Variants in SDK1 observed in about 807,000 individuals in gnomAD.
The protein encoded by SDK1 is sidekick cell adhesion molecule 1.
Under a neutral mutation model 245.5 loss-of-function variants are expected in SDK1, and 157 were observed. The observed-to-expected ratio is 0.64, with a 90% CI of 0.56 to 0.73. The LOEUF (loss-of-function observed/expected upper bound fraction) is 0.73, where lower values mean the gene tolerates loss of function less well. Among genes scored for constraint, SDK1 ranks in the 30% least tolerant of loss-of-function variants. The pLI is 0.00. For synonymous variants in SDK1, 1,647 were observed against 1,278.5 expected, an observed-to-expected ratio of 1.29 and a Z score of -6.15; for missense variants, 3,583 against 3,002.3, an observed-to-expected ratio of 1.19 and a Z score of -4.52.
chr7:3,633,327 C>G (rs1387516154), intron 2 of SDK1, among the ~76,000 whole-genome samples: 1 of 152,012 alleles, frequency 6.6e-6, no homozygotes, highest in African/African-American at 2.4e-5. Flanking sequence ...AATTAAGTTC[C>G]CTGACCACCT....
chr7:3,969,486 T>C (rs1311239047), intron 11 of SDK1, 62 bp downstream of exon 11: 1 of 1,352,580 alleles, frequency 7.4e-7, no homozygotes, highest in East Asian at 2.6e-5. Flanking sequence ...CACGTCATCG[T>C]GTGCTTTGGG....
chr7:3,702,282 T>TA (rs1784762819), intron 4 of SDK1, among the ~76,000 whole-genome samples: 1 of 152,194 alleles, frequency 6.6e-6, no homozygotes, highest in African/African-American at 2.4e-5. Flanking sequence ...ATTCTACAAT[T>TA]AAAAAAATCT....
chr7:3,915,696 C>CG (rs1779350689), intron 5 of SDK1, among the ~76,000 whole-genome samples: 1 of 152,076 alleles, frequency 6.6e-6, no homozygotes, highest in Non-Finnish European at 1.5e-5. Context: ...ATACACTAAC[C>CG]AAGCACCCTC....
intron 1 of SDK1, among the ~76,000 whole-genome samples, chr7:3,306,878 AGAATG>A (rs1779430056): frequency 6.6e-6 from 1 of 152,106 alleles, no homozygotes; most frequent in Non-Finnish European, 1.5e-5. Flanking sequence ...CTGAAACTAG[AGAATG>A]GAATGGACAC....
intron 1 of SDK1, among the ~76,000 whole-genome samples, chr7:3,591,902 A>C (rs1302481757): frequency 1.3e-5 from 2 of 152,222 alleles, no homozygotes; most frequent in Non-Finnish European, 2.9e-5. Context: ...GTGGTGTCTG[A>C]AGTTTGAGAG....
intron 1 of SDK1, among the ~76,000 whole-genome samples, chr7:3,592,332 A>T (rs1285618680): frequency 6.6e-6 from 1 of 152,184 alleles, no homozygotes; most frequent in Non-Finnish European, 1.5e-5. Context: ...TTACATTCAG[A>T]TGTTCCAGAA....
At chr7:3,440,965 C>A (rs968233512) in intron 1 of SDK1, among the ~76,000 whole-genome samples, 1 of 152,176 alleles carries the variant, frequency 6.6e-6, no homozygotes, top group Non-Finnish European at 1.5e-5. Flanking sequence ...AAATGAGTTA[C>A]ACCAAGTGAG....
At chr7:3,860,182 A>G (rs1780657061) in intron 5 of SDK1, among the ~76,000 whole-genome samples, 1 of 152,154 alleles carries the variant, frequency 6.6e-6, no homozygotes, top group South Asian at 2.1e-4. Context: ...AGCCTCCCAG[A>G]GTGATAGAAA....
At chr7:4,221,493 G>A in intron 40 of SDK1, 129 bp downstream of exon 40, 1 of 1,211,090 alleles carries the variant, frequency 8.3e-7, no homozygotes, top group Non-Finnish European at 1.1e-6. Flanking sequence ...CAAGAGGGCG[G>A]TTTTGGTGAA....
intron 5 of SDK1, among the ~76,000 whole-genome samples, chr7:3,942,576 G>C (rs764358775): frequency 6.9e-6 from 1 of 144,930 alleles, no homozygotes; most frequent in Non-Finnish European, 1.5e-5. Context: ...GTCTTTTTCC[G>C]TGTGTGTGTG....
rs1315910322 is a variant in SDK1 at position 4,237,684 on chromosome 7, C to T, written c.6030C>T (p.Phe2010=). 8 of 1,613,960 alleles carry T rather than the reference C, an allele frequency of 5.0e-6. No homozygotes were observed. The highest frequency in any genetic ancestry group is 2.7e-5 in the African/African-American group (2 of 74,906). ...CCCCATTCTACGAGGAGTGGTGGTT[C>T]CTCCTGGTGATGGCTCTGTCCAGCC... ...VEAPFYEEWW[F]LLVMALSSLI... is the part of the protein sequence containing the mutation. Residue 2010 remains phenylalanine, a synonymous_variant, in exon 42 of 45, where the codon TTC becomes TTT. Transcript: ENST00000404826.
intron 11 of SDK1, among the ~76,000 whole-genome samples, chr7:3,970,477 A>T (rs778991820): frequency 1.2e-4 from 18 of 152,216 alleles, no homozygotes; most frequent in Non-Finnish European, 2.6e-4. Context: ...CCTAAATAGT[A>T]ACCATACATT....
intron 14 of SDK1, among the ~76,000 whole-genome samples, chr7:3,994,291 C>G (rs943766138): frequency 3.9e-5 from 6 of 152,246 alleles, no homozygotes; most frequent in South Asian, 2.1e-4. Context: ...TTATCAGACT[C>G]CAACTCTAAA....
At chr7:3,869,342 G>A (rs1372715399) in intron 5 of SDK1, among the ~76,000 whole-genome samples, 1 of 152,000 alleles carries the variant, frequency 6.6e-6, no homozygotes, top group Non-Finnish European at 1.5e-5. Flanking sequence ...TTTTAGTGGA[G>A]ACGGGGTTTC....
chr7:3,952,015 T>C lies in SDK1; in HGVS notation c.1150+95T>C. 4.3e-6 allele frequency: 5 copies of C among 1,150,820 alleles called. No individual in the cohort carries two copies. The South Asian group carries it at 7.0e-5, about 16-fold the overall frequency. The allele number at this position is 1,150,820 out of a possible 1,614,324, so 71.3% of individuals were successfully genotyped here. On this transcript the variant is annotated intron_variant, in intron 7 of 44. Transcript: ENST00000404826. ...AACAAAATAGCGTATTTCAGTGGCT[T>C]TATTTGTAACTCGGCAAATGAAGGT...
intron 1 of SDK1, among the ~76,000 whole-genome samples, chr7:3,443,044 G>T (rs1780242131): frequency 6.8e-6 from 1 of 145,996 alleles, no homozygotes; most frequent in Non-Finnish European, 1.5e-5. Flanking sequence ...TATCCAGCCT[G>T]TAAAAATAAA....
intron 4 of SDK1, among the ~76,000 whole-genome samples, chr7:3,688,013 G>C (rs1784340231): frequency 6.6e-6 from 1 of 152,176 alleles, no homozygotes; most frequent in Non-Finnish European, 1.5e-5. Context: ...TATTTCCAAA[G>C]ATTAGAGGAT....
chr7:3,600,061 A>G (rs1176719492), intron 1 of SDK1, among the ~76,000 whole-genome samples: 1 of 152,162 alleles, frequency 6.6e-6, no homozygotes, highest in Non-Finnish European at 1.5e-5. Context: ...TTCTATGGAC[A>G]TGGTGTGTCT....
chr7:3,401,358 T>C (rs1168597147), intron 1 of SDK1, among the ~76,000 whole-genome samples: 1 of 152,204 alleles, frequency 6.6e-6, no homozygotes, highest in Non-Finnish European at 1.5e-5. Flanking sequence ...TTTTCCTGTT[T>C]ACTGTGTGAC....
Sources: allele counts gnomAD v4.1 joint callset (sites outside exome capture counted in the v4.1 genomes callset), GRCh38; gene constraint gnomAD v4.1.1; transcripts MANE v1.5; gene names NCBI Gene and HGNC (gene_info 2026-07-23, HGNC 2026-07-21).